TRAPPC3: variants seen among roughly 807,000 people sequenced by gnomAD.
The protein encoded by TRAPPC3 is trafficking protein particle complex subunit 3, also known as trafficking protein particle complex 3.
In TRAPPC3, 5 loss-of-function variants were observed where a neutral mutation model predicts 18.2. The ratio of observed to expected loss-of-function variants is 0.28; its 90% confidence interval spans 0.14 to 0.58. TRAPPC3 has a LOEUF of 0.58. TRAPPC3 is among the 20% of genes least tolerant of loss of function. The pLI, the probability that TRAPPC3 is intolerant of heterozygous loss-of-function variation, is 0.91. For synonymous variants in TRAPPC3, 65 were observed against 84.2 expected, an observed-to-expected ratio of 0.77 and a Z score of 1.25; for missense variants, 176 against 225.9, an observed-to-expected ratio of 0.78 and a Z score of 1.41.
At chr1:36,151,970 G>A (rs1028965805), upstream of TRAPPC3, among the ~76,000 whole-genome samples, 1 of 152,142 alleles carries the variant, frequency 6.6e-6, no homozygotes, top group Non-Finnish European at 1.5e-5. Flanking sequence ...CAGGAAGGCC[G>A]GTGCTGGTTA....
At chr1:36,147,845 A>T (rs958700690) in intron 1 of TRAPPC3, among the ~76,000 whole-genome samples, 9 of 152,128 alleles carry the variant, frequency 5.9e-5, no homozygotes, top group African/African-American at 2.2e-4. Flanking sequence ...ACCTTACTTC[A>T]CTGAAACGAA....
intron 4 of TRAPPC3, chr1:36,137,537 G>A (rs2124136991): frequency 4.7e-6 from 3 of 632,750 alleles, no homozygotes; most frequent in South Asian, 4.2e-5. Context: ...GAATGAGACT[G>A]TCACCAAATA....
At position 36,140,109 on chromosome 1, in the gene TRAPPC3, A is replaced by G. The variant is rs369744066; in HGVS notation, c.100T>C (p.Tyr34His). 4 of 1,605,480 alleles carry G rather than the reference A, an allele frequency of 2.5e-6. No individual in the cohort carries two copies. In the East Asian group the frequency reaches 8.9e-5, roughly 36 times the overall value. Residue 34 changes from tyrosine (Y) to histidine (H), a missense_variant, in exon 2 of 5, where the codon TAT becomes CAT. Transcript: ENST00000373166. Reference sequence around the variant, plus strand: ...TTATTCACATCTTCATCATTTTCATAGTCCTTACATAGCTGGGTGACCAGG... The same window carrying G: ...TTATTCACATCTTCATCATTTTCATGGTCCTTACATAGCTGGGTGACCAGG... ...GALVTQLCKD[Y>H]ENDEDVNKQL...
At chr1:36,149,186 G>C in intron 1 of TRAPPC3, 151 bp downstream of exon 1, 1 of 1,489,468 alleles carries the variant, frequency 6.7e-7, no homozygotes, top group Non-Finnish European at 8.9e-7. Context: ...CACCTGCCTG[G>C]AACGCCCCCG....
chr1:36,139,897 G>C (rs1441584052), intron 2 of TRAPPC3, 78 bp from the exon 3 acceptor site: 6 of 1,567,782 alleles, frequency 3.8e-6, no homozygotes, highest in Admixed American at 3.8e-5. Context: ...TGGTGGTAAA[G>C]GGAAAATGGG....
chr1:36,149,638 G>A (rs1373011125), upstream of TRAPPC3: 3 of 565,100 alleles, frequency 5.3e-6, no homozygotes, highest in Non-Finnish European at 9.5e-6. Context: ...ACAACTCCCG[G>A]AGTGCTCCGC....
Position 36,142,721 on chromosome 1 carries a change from C to T in TRAPPC3, c.43-2555G>A, listed in dbSNP as rs1043608830. On this transcript the variant is annotated intron_variant, in intron 1 of 4. Transcript: ENST00000373166. ...GTGACATAAATGTATAACTTAAAGG[C>T]CTTTATGCTTTAAAAATAGAAGGGA... Among the ~76,000 whole-genome samples the T allele has an allele frequency of 8.5e-5, 13 of 152,106 alleles. No homozygotes were observed. In the South Asian group the frequency reaches 2.3e-3, roughly 27 times the overall value.
At chr1:36,137,476 A>G (rs1644042336) in intron 4 of TRAPPC3, 154 bp from the exon 5 acceptor site, 17 of 756,748 alleles carry the variant, frequency 2.2e-5, no homozygotes, top group Admixed American at 1.7e-4. Context: ...ATTCTGTTGC[A>G]TAAGACAATG....
chr1:36,139,626 G>A, intron 3 of TRAPPC3, 94 bp downstream of exon 3: 1 of 1,527,664 alleles, frequency 6.5e-7, no homozygotes, highest in Non-Finnish European at 8.9e-7. Context: ...TCTTTTGGGA[G>A]ATTAAAGGCC....
chr1:36,145,218 A>C (rs1644175786), intron 1 of TRAPPC3, among the ~76,000 whole-genome samples: 1 of 149,782 alleles, frequency 6.7e-6, no homozygotes, highest in Non-Finnish European at 1.5e-5. Flanking sequence ...TTTAGTAGAG[A>C]CGGGGTTTCA....
chr1:36,149,663 T>G, upstream of TRAPPC3: 1 of 544,000 alleles, frequency 1.8e-6, no homozygotes. Context: ...GCCTGCCTGG[T>G]AGAGCCCAGC....
chr1:36,153,587 G>T (rs566299830), upstream of TRAPPC3, among the ~76,000 whole-genome samples: 4 of 152,224 alleles, frequency 2.6e-5, no homozygotes, highest in Non-Finnish European at 4.4e-5. Flanking sequence ...TTTTGCACCT[G>T]AGAATTCCTT....
At chr1:36,151,316 A>G (rs149459426), upstream of TRAPPC3, among the ~76,000 whole-genome samples, 910 of 152,260 alleles carry the variant, frequency 6.0e-3, 12 homozygotes, top group African/African-American at 0.021. Context: ...TTAGCCCAGG[A>G]GTTTGAGACC....
At chr1:36,139,580 G>A in intron 3 of TRAPPC3, 140 bp downstream of exon 3, 1 of 1,099,464 alleles carries the variant, frequency 9.1e-7, no homozygotes, top group Non-Finnish European at 1.3e-6. Context: ...CTAACGACCT[G>A]GAATGTTTTT....
At chr1:36,155,331 G>C (rs1026411478) in intron 1 of TRAPPC3, among the ~76,000 whole-genome samples, 1 of 152,210 alleles carries the variant, frequency 6.6e-6, no homozygotes, top group Non-Finnish European at 1.5e-5. Flanking sequence ...GGGGCTGGGA[G>C]TCCATTCTGG....
chr1:36,154,661 ATACT>A (rs1256340578), intron 1 of TRAPPC3, among the ~76,000 whole-genome samples: 1 of 152,186 alleles, frequency 6.6e-6, no homozygotes, highest in East Asian at 1.9e-4. Context: ...CATCACCATT[ATACT>A]TGTTTACTGA....
intron 3 of TRAPPC3, chr1:36,138,308 T>C (rs562396474): frequency 6.6e-7 from 1 of 1,514,290 alleles, no homozygotes; most frequent in Admixed American, 2.0e-5. Context: ...CACTAGTCTT[T>C]CGACACGGTG....
At chr1:36,153,697 GTA>G (rs1196735607), upstream of TRAPPC3, among the ~76,000 whole-genome samples, 1 of 152,146 alleles carries the variant, frequency 6.6e-6, no homozygotes, top group Non-Finnish European at 1.5e-5. Flanking sequence ...GCCCACCGCC[GTA>G]TGTCTCTAAA....
chr1:36,138,597 T>C (rs1644060214), intron 3 of TRAPPC3, among the ~76,000 whole-genome samples: 1 of 152,244 alleles, frequency 6.6e-6, no homozygotes, highest in Non-Finnish European at 1.5e-5. Flanking sequence ...CAGATAGCAC[T>C]AATACTAGTA....
Sources: allele counts gnomAD v4.1 joint callset (sites outside exome capture counted in the v4.1 genomes callset), GRCh38; gene constraint gnomAD v4.1.1; transcripts MANE v1.5; gene names NCBI Gene and HGNC (gene_info 2026-07-23, HGNC 2026-07-21).